ARL14EPL: variants seen among roughly 807,000 people sequenced by gnomAD.
ARL14EPL encodes ARF like GTPase 14 effector protein like.
Under a neutral mutation model 15.9 loss-of-function variants are expected in ARL14EPL, and 17 were observed. The ratio of observed to expected loss-of-function variants is 1.07; its 90% CI spans 0.73 to 1.60. The LOEUF (loss-of-function observed/expected upper bound fraction) is 1.60. Ranked by LOEUF, ARL14EPL falls within the 40% of genes most tolerant of loss-of-function variation. The pLI is 0.00. For synonymous variants in ARL14EPL, 78 were observed against 63.8 expected, an observed-to-expected ratio of 1.22 and a Z score of -1.06; for missense variants, 214 against 185.9, an observed-to-expected ratio of 1.15 and a Z score of -0.88.
In ARL14EPL at chr5:116,032,497, A is replaced by G. The variant is rs1372561131; in HGVS notation, c.-18A>G. On this transcript the variant is annotated 5_prime_UTR_variant, in exon 1 of 4. Transcript: ENST00000686077. ...AGCCATTTGACCATTTTACATCATC[A>G]TAAGAAGCGTGAGTACAGTACAATA... The G allele has an allele frequency of 6.6e-6, 1 of 152,200 alleles. No individual in the cohort carries two copies. The highest frequency in any genetic ancestry group is 1.5e-5 in the Non-Finnish European group (1 of 68,034). 9.4% of individuals were successfully genotyped at this position (152,200 alleles called of 1,614,324 possible). A position where few individuals can be genotyped will look rare whatever the true frequency, so the allele number is the denominator to read the frequency against.
At chr5:116,036,906 A>G (rs1749058550) in intron 1 of ARL14EPL, among the ~76,000 whole-genome samples, 1 of 151,362 alleles carries the variant, frequency 6.6e-6, no homozygotes, top group Non-Finnish European at 1.5e-5. Context: ...ATTCTTTTTG[A>G]TGTTTTCCTT....
At chr5:116,040,324 T>C (rs547768395) in intron 1 of ARL14EPL, among the ~76,000 whole-genome samples, 1 of 151,860 alleles carries the variant, frequency 6.6e-6, no homozygotes, top group South Asian at 2.1e-4. Context: ...ATAGAAATTA[T>C]AGAATTTATA....
chr5:116,040,644 A>T (rs1002588330), intron 1 of ARL14EPL, among the ~76,000 whole-genome samples: 6 of 151,320 alleles, frequency 4.0e-5, no homozygotes, highest in African/African-American at 1.5e-4. Flanking sequence ...TAATTCTTTT[A>T]ATATAAAACA....
At chr5:116,045,745 A>AGTGTGTGT (rs56960751) in intron 1 of ARL14EPL, among the ~76,000 whole-genome samples, 56 of 148,744 alleles carry the variant, frequency 3.8e-4, no homozygotes, top group African/African-American at 9.2e-4. Context: ...GACCCACAGA[A>AGTGTGTGT]GTGTGTGTGT....
chr5:116,053,394 G>A (rs1329499161), intron 2 of ARL14EPL, among the ~76,000 whole-genome samples: 1 of 150,490 alleles, frequency 6.6e-6, no homozygotes, highest in Non-Finnish European at 1.5e-5. Context: ...AACCTCCAGA[G>A]ACTTTTGAAA....
At position 116,040,979 on chromosome 5, in the gene ARL14EPL, C is replaced by CAAAAAAAAAAAA. The variant is rs56060606; in HGVS notation, c.-10+8477_-10+8488dup. On this transcript the variant is annotated intron_variant, in intron 1 of 3. Transcript: ENST00000686077. ...TGGGAGACAGAACGAGATTCCCTCT[C>CAAAAAAAAAAAA]AAAAAAAAAAAAAAGTTTTTATGCT... 7.6e-4 allele frequency among the ~76,000 whole-genome samples: 50 copies of CAAAAAAAAAAAA among 66,142 alleles called. 3 individuals are homozygous for CAAAAAAAAAAAA. Among genetic ancestry groups the CAAAAAAAAAAAA allele is most frequent in the African/African-American group, 3.2e-3 (48 of 14,992 alleles). 43.4% of individuals were successfully genotyped at this position (66,142 alleles called of 152,430 possible).
chr5:116,035,678 G>A (rs1749037203), intron 1 of ARL14EPL, among the ~76,000 whole-genome samples: 1 of 152,176 alleles, frequency 6.6e-6, no homozygotes. Context: ...TCAGAGATAG[G>A]GCTCAGCCCA....
intron 2 of ARL14EPL, 37 bp from the exon 3 acceptor site, chr5:116,053,977 C>T: frequency 1.3e-6 from 2 of 1,491,218 alleles, no homozygotes; most frequent in Non-Finnish European, 1.8e-6. Context: ...ATAAAACTAT[C>T]TGGTTCTTAC....
chr5:116,056,037 C>T lies in ARL14EPL; in HGVS notation c.236+1884C>T, dbSNP rs1749508394. ...GTATATGTGCCACATTGTCTTAATC[C>T]AGTCTATCATTGTTGGACATTTCGG... On this transcript the variant is annotated intron_variant, in intron 3 of 3. Transcript: ENST00000686077. Among the ~76,000 whole-genome samples, 5 of 152,216 alleles carry T rather than the reference C, an allele frequency of 3.3e-5. No individual in the cohort carries two copies. The South Asian group carries it at 1.0e-3, about 32-fold the overall frequency.
intron 1 of ARL14EPL, among the ~76,000 whole-genome samples, chr5:116,036,282 A>G (rs1445880274): frequency 1.3e-5 from 2 of 152,162 alleles, no homozygotes; most frequent in Non-Finnish European, 2.9e-5. Flanking sequence ...TTAAGATACC[A>G]TTACACTCTG....
In ARL14EPL at chr5:116,059,382, A is replaced by T. The variant is rs903764857; in HGVS notation, c.*435A>T. On this transcript the variant is annotated 3_prime_UTR_variant, in exon 4 of 4. Transcript: ENST00000686077. ...TTATACATCACTAGCTGTAAATCAG[A>T]ATTGCCATTTGGATTTTGAAGAAAA... 6.0e-6 allele frequency: 1 copy of T among 166,104 alleles called. No individual in the cohort carries two copies. Among genetic ancestry groups the T allele is most frequent in the Non-Finnish European group, 1.3e-5 (1 of 75,646 alleles). The allele number at this position is 166,104 out of a possible 1,614,324, so 10.3% of individuals were successfully genotyped here. A position where few individuals can be genotyped will look rare whatever the true frequency, so the allele number is the denominator to read the frequency against.
chr5:116,054,476 GAT>G (rs1358637613), intron 3 of ARL14EPL, among the ~76,000 whole-genome samples: 7 of 152,168 alleles, frequency 4.6e-5, no homozygotes. Flanking sequence ...ATGAACTCAG[GAT>G]ATTAAATGGG....
chr5:116,037,832 G>A (rs1473009187), intron 1 of ARL14EPL, among the ~76,000 whole-genome samples: 1 of 152,210 alleles, frequency 6.6e-6, no homozygotes, highest in African/African-American at 2.4e-5. Context: ...ACACAAGAAT[G>A]TACTTTGTTT....
In ARL14EPL at chr5:116,059,081, G is replaced by T; in HGVS notation, c.*134G>T. On this transcript the variant is annotated 3_prime_UTR_variant, in exon 4 of 4. Transcript: ENST00000686077. ...AAGACTCATGTTCTGTCAAGCCCCAGAACAATGTAGAATGGGCAATAATTC... is the reference window on the plus strand; with the variant it reads ...AAGACTCATGTTCTGTCAAGCCCCATAACAATGTAGAATGGGCAATAATTC... 1 of 809,728 alleles carries T rather than the reference G, an allele frequency of 1.2e-6. No homozygotes were observed. The highest frequency in any genetic ancestry group is 1.9e-6 in the Non-Finnish European group (1 of 517,766). The allele number at this position is 809,728 out of a possible 1,614,324, so 50.2% of individuals were successfully genotyped here. A position where few individuals can be genotyped will look rare whatever the true frequency, so the allele number is the denominator to read the frequency against.
chr5:116,044,146 T>C (rs941864513), intron 1 of ARL14EPL, among the ~76,000 whole-genome samples: 1 of 152,222 alleles, frequency 6.6e-6, no homozygotes, highest in Non-Finnish European at 1.5e-5. Context: ...GATTTTTGCA[T>C]CATTGCCAGA....
chr5:116,048,994 G>C (rs1021413981), intron 1 of ARL14EPL, among the ~76,000 whole-genome samples: 2 of 152,186 alleles, frequency 1.3e-5, no homozygotes, highest in Non-Finnish European at 2.9e-5. Context: ...ATATTTTAAA[G>C]TAGAAAGTGC....
chr5:116,048,633 T>G (rs1267849464), intron 1 of ARL14EPL, among the ~76,000 whole-genome samples: 3 of 152,142 alleles, frequency 2.0e-5, no homozygotes, highest in Non-Finnish European at 4.4e-5. Context: ...ACTGTTATCT[T>G]GAAGAAGTGA....
chr5:116,050,865 G>A (rs919111579), intron 1 of ARL14EPL, among the ~76,000 whole-genome samples: 7 of 138,368 alleles, frequency 5.1e-5, no homozygotes, highest in South Asian at 2.4e-4. Flanking sequence ...ACAGACGCAC[G>A]CACCCTGTAT....
chr5:116,056,060 C>T (rs376440972), intron 3 of ARL14EPL, among the ~76,000 whole-genome samples: 1 of 152,042 alleles, frequency 6.6e-6, no homozygotes, highest in Non-Finnish European at 1.5e-5. Context: ...TTGGACATTT[C>T]GGTTGGTTCC....
Sources: gnomAD v4.1 joint callset for allele counts (sites outside exome capture counted in the v4.1 genomes callset) on GRCh38, gnomAD v4.1.1 for gene constraint, MANE v1.5 for transcripts, NCBI Gene and HGNC (gene_info 2026-07-23, HGNC 2026-07-21) for gene names.